Variants in PTPRT observed in about 807,000 individuals in gnomAD.
PTPRT encodes protein tyrosine phosphatase receptor type T.
Under a neutral mutation model 176.8 loss-of-function variants are expected in PTPRT, and 56 were observed. That is an observed-to-expected ratio of 0.32 (90% confidence interval 0.26 to 0.40). The LOEUF (loss-of-function observed/expected upper bound fraction) is 0.40, where lower values mean the gene tolerates loss of function less well. PTPRT is among the 10% of genes least tolerant of loss of function. The pLI is 1.00. For missense variants in PTPRT, 1,540 were observed against 1,908.2 expected (o/e 0.81, Z 3.60); for synonymous variants, 783 against 739.0 (o/e 1.06, Z -0.96).
At chr20:42,870,630 TTCACA>T (rs2078829150) in intron 2 of PTPRT, among the ~76,000 whole-genome samples, 1 of 152,254 alleles carries the variant, frequency 6.6e-6, no homozygotes, top group Non-Finnish European at 1.5e-5. Flanking sequence ...GTCTATGATG[TTCACA>T]CAATGATGAA....
At chr20:42,993,740 A>G (rs1984078940) in intron 1 of PTPRT, among the ~76,000 whole-genome samples, 1 of 151,918 alleles carries the variant, frequency 6.6e-6, no homozygotes, top group South Asian at 2.1e-4. Context: ...GACATATGAC[A>G]TGAACAACCT....
intron 15 of PTPRT, among the ~76,000 whole-genome samples, chr20:42,211,740 G>T (rs1221078004): frequency 2.7e-5 from 4 of 145,874 alleles, no homozygotes; most frequent in Non-Finnish European, 6.1e-5. Context: ...TCAGTGTGGC[G>T]ATTCCTCAGG....
intron 1 of PTPRT, among the ~76,000 whole-genome samples, chr20:43,107,642 T>G (rs1447488479): frequency 2.0e-5 from 3 of 152,130 alleles, no homozygotes; most frequent in Non-Finnish European, 1.5e-5. Flanking sequence ...AGGATCAATA[T>G]CGCAATTACA....
At chr20:43,022,377 C>T (rs1048299641) in intron 1 of PTPRT, among the ~76,000 whole-genome samples, 1 of 152,196 alleles carries the variant, frequency 6.6e-6, no homozygotes, top group Admixed American at 6.5e-5. Context: ...ATTATCCTTG[C>T]ACCATAGACA....
At chr20:42,836,677 G>A (rs911501160) in intron 2 of PTPRT, among the ~76,000 whole-genome samples, 3 of 152,026 alleles carry the variant, frequency 2.0e-5, no homozygotes, top group Admixed American at 1.3e-4. Context: ...ATCCTTAATC[G>A]GCCACTGAAT....
At chr20:43,157,634 G>C (rs191903883) in intron 1 of PTPRT, among the ~76,000 whole-genome samples, 3 of 152,266 alleles carry the variant, frequency 2.0e-5, no homozygotes. Flanking sequence ...ACCAATTAAT[G>C]TCAATTAGTT....
intron 12 of PTPRT, among the ~76,000 whole-genome samples, chr20:42,309,944 C>G (rs1008987855): frequency 6.6e-6 from 1 of 152,062 alleles, no homozygotes; most frequent in Non-Finnish European, 1.5e-5. Flanking sequence ...AGTGGGTTAA[C>G]ATATGAGTGA....
chr20:43,061,252 CT>C (rs1466747616), intron 1 of PTPRT, among the ~76,000 whole-genome samples: 7 of 152,204 alleles, frequency 4.6e-5, no homozygotes, highest in Non-Finnish European at 1.0e-4. Flanking sequence ...CAGAAACAAT[CT>C]ACTCAACTGT....
intron 6 of PTPRT, among the ~76,000 whole-genome samples, chr20:42,725,009 TTGTGTGTGTGTGTGTGTG>T (rs147376328): frequency 1.5e-5 from 2 of 133,958 alleles, no homozygotes; most frequent in Non-Finnish European, 3.3e-5. Context: ...TGGACATCTT[TTGTGTGTGTGTGTGTGTG>T]TGTGTGTGTG....
chr20:43,042,159 G>A (rs1986633418), intron 1 of PTPRT, among the ~76,000 whole-genome samples: 1 of 152,176 alleles, frequency 6.6e-6, no homozygotes, highest in South Asian at 2.1e-4. Flanking sequence ...CTCATTACGG[G>A]CTATTTTCCT....
At chr20:42,694,488 T>C (rs2075842614) in intron 6 of PTPRT, among the ~76,000 whole-genome samples, 1 of 152,232 alleles carries the variant, frequency 6.6e-6, no homozygotes, top group South Asian at 2.1e-4. Flanking sequence ...GTTTTTGCTA[T>C]TAAAATAAAA....
chr20:42,453,002 G>A (rs902078553), intron 8 of PTPRT, among the ~76,000 whole-genome samples: 2 of 152,114 alleles, frequency 1.3e-5, no homozygotes, highest in African/African-American at 4.8e-5. Context: ...ATATTCTAGT[G>A]TATGTTGTTT....
chr20:42,754,515 G>A (rs2076803585), intron 6 of PTPRT, among the ~76,000 whole-genome samples: 1 of 151,742 alleles, frequency 6.6e-6, no homozygotes, highest in East Asian at 1.9e-4. Flanking sequence ...CTGGCCTCAG[G>A]TGATCGATCT....
At chr20:43,053,437 A>G (rs1214249657) in intron 1 of PTPRT, among the ~76,000 whole-genome samples, 1 of 152,168 alleles carries the variant, frequency 6.6e-6, no homozygotes, top group Non-Finnish European at 1.5e-5. Context: ...ATTACAACCC[A>G]TGAGTGGCAG....
chr20:42,743,993 C>T (rs2076652421), intron 6 of PTPRT, among the ~76,000 whole-genome samples: 1 of 152,216 alleles, frequency 6.6e-6, no homozygotes, highest in South Asian at 2.1e-4. Context: ...CGGTTGGAGT[C>T]ACTGGGTTGC....
chr20:42,548,147 T>G (rs2072708215), intron 7 of PTPRT, among the ~76,000 whole-genome samples: 1 of 152,070 alleles, frequency 6.6e-6, no homozygotes, highest in Non-Finnish European at 1.5e-5. Context: ...GCTATATTAT[T>G]ATTAAATTAA....
At chr20:42,647,965 G>A (rs564727425) in intron 7 of PTPRT, among the ~76,000 whole-genome samples, 27 of 152,164 alleles carry the variant, frequency 1.8e-4, no homozygotes, top group South Asian at 1.2e-3. Context: ...GAAATTTCTC[G>A]TCCCTACTCA....
intron 14 of PTPRT, among the ~76,000 whole-genome samples, chr20:42,240,140 C>CT (rs2056324356): frequency 6.6e-6 from 1 of 152,222 alleles, no homozygotes; most frequent in African/African-American, 2.4e-5. Flanking sequence ...AGTTGCTTTT[C>CT]TGAGTTATCC....
chr20:42,639,039 C>G (rs1351912821), intron 7 of PTPRT, among the ~76,000 whole-genome samples: 1 of 151,960 alleles, frequency 6.6e-6, no homozygotes, highest in Non-Finnish European at 1.5e-5. Context: ...TTTAAAGAAC[C>G]TTCCCATTTG....
Sources: gnomAD v4.1 joint callset for allele counts (sites outside exome capture counted in the v4.1 genomes callset) on GRCh38, gnomAD v4.1.1 for gene constraint, MANE v1.5 for transcripts, NCBI Gene and HGNC (gene_info 2026-07-23, HGNC 2026-07-21) for gene names.